AUTS2: variants seen among roughly 807,000 people sequenced by gnomAD.
AUTS2 encodes autism susceptibility gene 2 protein.
A neutral mutation model predicts 112.4 loss-of-function variants in AUTS2; 17 were observed. That is an observed-to-expected ratio of 0.15 (90% CI 0.10 to 0.23). AUTS2 has a LOEUF of 0.23. Ranked by LOEUF, AUTS2 falls within the 10% of genes least tolerant of loss-of-function variation. The pLI is 1.00. For synonymous variants in AUTS2, 751 were observed against 702.7 expected (o/e 1.07, Z -1.09); for missense variants, 1,510 against 1,701.6 (o/e 0.89, Z 1.98).
intron 1 of AUTS2, among the ~76,000 whole-genome samples, chr7:69,891,179 T>G (rs544623003): frequency 6.6e-6 from 1 of 152,328 alleles, no homozygotes; most frequent in East Asian, 1.9e-4. Context: ...TGCTTGCTGT[T>G]GCTATCAATT....
At chr7:70,602,856 C>A (rs531266165) in intron 5 of AUTS2, among the ~76,000 whole-genome samples, 1 of 152,268 alleles carries the variant, frequency 6.6e-6, no homozygotes, top group Admixed American at 6.5e-5. Flanking sequence ...CTAGCGTATA[C>A]CCTGTCTTGG....
chr7:70,412,670 AAGTAC>A (rs1451624452), intron 4 of AUTS2, among the ~76,000 whole-genome samples: 1 of 152,182 alleles, frequency 6.6e-6, no homozygotes, highest in African/African-American at 2.4e-5. Flanking sequence ...TCTTGACTAC[AAGTAC>A]AGATTTTATG....
intron 15 of AUTS2, chr7:70,782,236 G>A (rs967869784): frequency 6.5e-6 from 1 of 154,092 alleles, no homozygotes; most frequent in Admixed American, 6.5e-5. Context: ...GTTGCCAGGA[G>A]TATGGTCTGT....
intron 1 of AUTS2, among the ~76,000 whole-genome samples, chr7:69,883,597 T>G (rs1461860636): frequency 6.6e-6 from 1 of 152,140 alleles, no homozygotes; most frequent in African/African-American, 2.4e-5. Context: ...TGGGATGAAG[T>G]GTGCTGGCAA....
chr7:69,968,881 G>T (rs1797735500), intron 2 of AUTS2, among the ~76,000 whole-genome samples: 1 of 150,734 alleles, frequency 6.6e-6, no homozygotes, highest in Non-Finnish European at 1.5e-5. Flanking sequence ...TTTCTGCTGT[G>T]TTTTTAAGAC....
At chr7:69,606,241 T>G (rs1469569606) in intron 1 of AUTS2, among the ~76,000 whole-genome samples, 6 of 152,174 alleles carry the variant, frequency 3.9e-5, no homozygotes, top group Non-Finnish European at 7.3e-5. Context: ...CACCACAGTT[T>G]TATGTATTAT....
At chr7:69,628,827 G>A (rs774003398) in intron 1 of AUTS2, among the ~76,000 whole-genome samples, 5 of 152,146 alleles carry the variant, frequency 3.3e-5, no homozygotes, top group Non-Finnish European at 7.4e-5. Context: ...TTCAACATGA[G>A]ATTTGGGAGG....
At chr7:70,447,848 A>G (rs189303536) in intron 5 of AUTS2, among the ~76,000 whole-genome samples, 1 of 152,262 alleles carries the variant, frequency 6.6e-6, no homozygotes, top group Non-Finnish European at 1.5e-5. Context: ...CAGTTAGCAC[A>G]TTACTTGCAT....
At chr7:69,690,396 C>T (rs1273208702) in intron 1 of AUTS2, among the ~76,000 whole-genome samples, 2 of 152,172 alleles carry the variant, frequency 1.3e-5, no homozygotes, top group African/African-American at 2.4e-5. Context: ...AGTTTTGCTC[C>T]GGCCTGCTGG....
intron 4 of AUTS2, among the ~76,000 whole-genome samples, chr7:70,295,258 C>G (rs556561923): frequency 1.3e-5 from 2 of 152,192 alleles, no homozygotes; most frequent in Non-Finnish European, 2.9e-5. Context: ...AAGTGGCATT[C>G]TAGTGGCCTC....
chr7:70,009,755 C>A (rs754743096), intron 2 of AUTS2, among the ~76,000 whole-genome samples: 2 of 152,160 alleles, frequency 1.3e-5, no homozygotes, highest in Non-Finnish European at 2.9e-5. Flanking sequence ...CTTTGTATAT[C>A]AGGAAAATGA....
chr7:70,651,431 T>C (rs1034683613), intron 5 of AUTS2, among the ~76,000 whole-genome samples: 7 of 152,156 alleles, frequency 4.6e-5, no homozygotes, highest in African/African-American at 1.4e-4. Flanking sequence ...CCTTCATACG[T>C]GGAAAATATT....
rs77361580 is a variant in AUTS2, at chr7:69,734,348, G to GTT, written c.309+134402_309+134403dup. On this transcript the variant is annotated intron_variant, in intron 1 of 18. Transcript: ENST00000342771. ...AATAATAACTCTTTGTTCCTCTTTAGTTTTTTTTTTTTTTTTTAATGTCTT... is the reference window on the plus strand; with the variant it reads ...AATAATAACTCTTTGTTCCTCTTTAGTTTTTTTTTTTTTTTTTTTAATGTCTT... Among the ~76,000 whole-genome samples the GTT allele has an allele frequency of 7.5e-3, 996 of 131,984 alleles. 15 individuals are homozygous for GTT. The highest frequency in any genetic ancestry group is 0.024 in the African/African-American group (883 of 36,310). 86.6% of individuals were successfully genotyped at this position (131,984 alleles called of 152,430 possible). A position where few individuals can be genotyped will look rare whatever the true frequency, so the allele number is the denominator to read the frequency against.
At chr7:69,948,096 C>T (rs925267012) in intron 2 of AUTS2, among the ~76,000 whole-genome samples, 1 of 152,104 alleles carries the variant, frequency 6.6e-6, no homozygotes, top group African/African-American at 2.4e-5. Flanking sequence ...ATGAAATAGC[C>T]ATAGACTGTA....
chr7:70,218,031 G>A (rs748292514), intron 4 of AUTS2, among the ~76,000 whole-genome samples: 2 of 152,182 alleles, frequency 1.3e-5, no homozygotes, highest in African/African-American at 2.4e-5. Flanking sequence ...AGATAAAAAC[G>A]AGAGACAGGA....
At chr7:70,643,650 T>A (rs763285442) in intron 5 of AUTS2, among the ~76,000 whole-genome samples, 5 of 152,204 alleles carry the variant, frequency 3.3e-5, no homozygotes, top group Admixed American at 6.5e-5. Flanking sequence ...ATTTTCTGAT[T>A]TTTAAGTGGA....
At chr7:69,725,837 A>C (rs577695314) in intron 1 of AUTS2, among the ~76,000 whole-genome samples, 1 of 152,342 alleles carries the variant, frequency 6.6e-6, no homozygotes, top group Non-Finnish European at 1.5e-5. Context: ...ATGAGTATCC[A>C]GTTAATGTAC....
intron 5 of AUTS2, among the ~76,000 whole-genome samples, chr7:70,528,649 C>T (rs959755364): frequency 5.9e-5 from 9 of 152,024 alleles, no homozygotes; most frequent in East Asian, 3.9e-4. Flanking sequence ...CAGTGGCACA[C>T]GCCTCTAGTC....
chr7:69,909,322 T>TA (rs1230267451), intron 2 of AUTS2, among the ~76,000 whole-genome samples: 3 of 152,236 alleles, frequency 2.0e-5, no homozygotes, highest in Non-Finnish European at 4.4e-5. Flanking sequence ...CCTGATAGAA[T>TA]AATTGTATTC....
Sources: gnomAD v4.1 joint callset for allele counts (sites outside exome capture counted in the v4.1 genomes callset) on GRCh38, gnomAD v4.1.1 for gene constraint, MANE v1.5 for transcripts, NCBI Gene and HGNC (gene_info 2026-07-23, HGNC 2026-07-21) for gene names.